PBX3: variants seen among roughly 807,000 people sequenced by gnomAD.
PBX3 encodes PBX homeobox 3, also known as pre-B-cell leukemia transcription factor 3.
PBX3 carries 14 observed loss-of-function variants against 48.5 expected under a neutral mutation model. The observed-to-expected ratio is 0.29, with a 90% CI of 0.19 to 0.45. The LOEUF is 0.45. Ranked by LOEUF, PBX3 falls within the 20% of genes least tolerant of loss-of-function variation. The pLI is 1.00. For missense variants in PBX3, 386 were observed against 546.7 expected, an observed-to-expected ratio of 0.71 and a Z score of 2.93; for synonymous variants, 210 against 200.3, an observed-to-expected ratio of 1.05 and a Z score of -0.41.
chr9:125,889,750 G>C (rs1282449511), intron 2 of PBX3, among the ~76,000 whole-genome samples: 1 of 150,760 alleles, frequency 6.6e-6, no homozygotes, highest in African/African-American at 2.4e-5. Context: ...GCGGGGGCGC[G>C]CCGCGGCGGG....
chr9:125,860,345 G>A (rs941082354), intron 2 of PBX3, among the ~76,000 whole-genome samples: 8 of 152,200 alleles, frequency 5.3e-5, no homozygotes, highest in Admixed American at 3.3e-4. Context: ...TAGTATATAT[G>A]AACTTAGCAT....
At chr9:125,852,064 A>G (rs548804332) in intron 2 of PBX3, among the ~76,000 whole-genome samples, 2 of 152,282 alleles carry the variant, frequency 1.3e-5, no homozygotes, top group South Asian at 4.1e-4. Flanking sequence ...AAAAGAGCAG[A>G]AAAAAAGGGA....
chr9:125,963,262 C>T (rs939253742), intron 8 of PBX3, among the ~76,000 whole-genome samples, 161 bp downstream of exon 8: 2 of 152,146 alleles, frequency 1.3e-5, no homozygotes, highest in Non-Finnish European at 2.9e-5. Context: ...TGCTTGATGC[C>T]GTCTAGATAC....
intron 3 of PBX3, among the ~76,000 whole-genome samples, chr9:125,921,931 CA>C (rs1204963344): frequency 6.6e-6 from 1 of 151,984 alleles, no homozygotes; most frequent in African/African-American, 2.4e-5. Context: ...TACAAAAGAC[CA>C]ATTCAGTTTT....
chr9:125,911,657 G>C (rs1312520579), intron 2 of PBX3, among the ~76,000 whole-genome samples: 2 of 151,962 alleles, frequency 1.3e-5, no homozygotes, highest in African/African-American at 2.4e-5. Flanking sequence ...TGTGGTAGTT[G>C]AATGAATCAA....
At chr9:125,772,515 T>TA (rs1170854424) in intron 2 of PBX3, among the ~76,000 whole-genome samples, 1 of 152,180 alleles carries the variant, frequency 6.6e-6, no homozygotes, top group African/African-American at 2.4e-5. Context: ...TGCAGAATAA[T>TA]ACTGATTTTG....
chr9:125,947,268 A>G (rs1842085233), intron 5 of PBX3, among the ~76,000 whole-genome samples: 1 of 152,178 alleles, frequency 6.6e-6, no homozygotes. Context: ...ATATGTATGT[A>G]AATCTAAGTG....
At chr9:125,946,958 A>G (rs150950280) in intron 5 of PBX3, among the ~76,000 whole-genome samples, 2 of 152,212 alleles carry the variant, frequency 1.3e-5, no homozygotes, top group Admixed American at 1.3e-4. Context: ...TCTGCCTCCA[A>G]TAAAACAACA....
Position 125,938,496 on chromosome 9 carries a change from A to G in PBX3, c.843+2889A>G, listed in dbSNP as rs577181654. ...TAAAAAAAAAGTAATAGTAGAGTGG[A>G]GAAATGGGACAAAAACTTGACCAAG... is the stretch of plus-strand genomic sequence containing the variant. On this transcript the variant is annotated intron_variant, in intron 5 of 8. Coordinates refer to ENST00000373489, the MANE Select transcript of PBX3 (RefSeq NM_006195.6). 3.3e-5 allele frequency among the ~76,000 whole-genome samples: 5 copies of G among 152,344 alleles called. No homozygotes were observed. In the East Asian group the frequency reaches 9.6e-4, roughly 29 times the overall value.
Position 125,915,672 on chromosome 9 carries a change from C to T in PBX3, c.275-14C>T. 6.3e-7 allele frequency: 1 copy of T among 1,593,844 alleles called. No individual in the cohort carries two copies. The highest frequency in any genetic ancestry group is 8.6e-7 in the Non-Finnish European group (1 of 1,167,340). On this transcript the variant is annotated splice_polypyrimidine_tract_variant and intron_variant, in intron 2 of 8. Coordinates refer to ENST00000373489, the MANE Select transcript of PBX3 (RefSeq NM_006195.6). ...GCTTCTTCTCTCTCTGTCTCTCTCT[C>T]TCTTTCCTTGAAGGTCTCAGCATCA...
intron 2 of PBX3, among the ~76,000 whole-genome samples, chr9:125,803,999 G>T (rs1838045661): frequency 1.3e-5 from 2 of 152,060 alleles, no homozygotes; most frequent in South Asian, 4.1e-4. Flanking sequence ...CTGACTTTGG[G>T]GTCTTTATCT....
chr9:125,748,809 C>T, intron 2 of PBX3, 186 bp downstream of exon 2: 1 of 500,518 alleles, frequency 2.0e-6, no homozygotes, highest in South Asian at 2.6e-5. Context: ...AGTTCTGCTC[C>T]TGGTGTAAAA....
At chr9:125,804,124 C>T (rs140097229) in intron 2 of PBX3, among the ~76,000 whole-genome samples, 40 of 152,216 alleles carry the variant, frequency 2.6e-4, no homozygotes, top group African/African-American at 8.9e-4. Flanking sequence ...TTGGGGATAA[C>T]AAAAGTTACT....
At chr9:125,938,684 A>G (rs554289439) in intron 5 of PBX3, among the ~76,000 whole-genome samples, 31 of 152,306 alleles carry the variant, frequency 2.0e-4, no homozygotes, top group Middle Eastern at 6.8e-3. Context: ...TTCTTTAAAA[A>G]CGTCCAAGAA....
At chr9:125,916,030 A>C (rs957675199) in intron 3 of PBX3, 103 bp downstream of exon 3, 1 of 1,436,666 alleles carries the variant, frequency 7.0e-7, no homozygotes, top group South Asian at 1.4e-5. Flanking sequence ...GTGTTAACAC[A>C]AATTACAAAA....
chr9:125,796,606 G>C (rs1837787965), intron 2 of PBX3, among the ~76,000 whole-genome samples: 1 of 151,962 alleles, frequency 6.6e-6, no homozygotes, highest in Non-Finnish European at 1.5e-5. Flanking sequence ...TAATATATAG[G>C]GAATAATTCT....
chr9:125,932,866 A>G (rs942700942), intron 4 of PBX3, among the ~76,000 whole-genome samples: 4 of 152,168 alleles, frequency 2.6e-5, no homozygotes, highest in African/African-American at 9.7e-5. Context: ...CCAGAATGAG[A>G]GAGTGGCAGA....
chr9:125,889,930 G>T (rs1012515951), intron 2 of PBX3, among the ~76,000 whole-genome samples: 2 of 150,568 alleles, frequency 1.3e-5, no homozygotes, highest in East Asian at 3.9e-4. Context: ...CGCCCTGAGC[G>T]GTCCCCCGCG....
intron 3 of PBX3, among the ~76,000 whole-genome samples, chr9:125,926,095 T>G (rs1841568361): frequency 6.6e-6 from 1 of 152,246 alleles, no homozygotes; most frequent in South Asian, 2.1e-4. Flanking sequence ...AACTGAAGGG[T>G]AGAGTTGGTC....
Sources: allele counts gnomAD v4.1 joint callset (sites outside exome capture counted in the v4.1 genomes callset), GRCh38; gene constraint gnomAD v4.1.1; transcripts MANE v1.5; gene names NCBI Gene and HGNC (gene_info 2026-07-23, HGNC 2026-07-21).